DNAI4: variants seen among roughly 807,000 people sequenced by gnomAD.
DNAI4 encodes the protein WD repeat domain 78.
A neutral mutation model predicts 105.8 loss-of-function variants in DNAI4; 85 were observed. That is an observed-to-expected ratio of 0.80 (90% CI 0.67 to 0.96). The LOEUF (loss-of-function observed/expected upper bound fraction) is 0.96, where lower values mean the gene tolerates loss of function less well. Ranked by LOEUF, DNAI4 falls within the 40% of genes least tolerant of loss-of-function variation. DNAI4 has a pLI of 0.00. For missense variants in DNAI4, 1,014 were observed against 1,005.6 expected, an observed-to-expected ratio of 1.01 and a Z score of -0.11; for synonymous variants, 352 against 331.5, an observed-to-expected ratio of 1.06 and a Z score of -0.67.
intron 2 of DNAI4, among the ~76,000 whole-genome samples, chr1:66,904,708 TA>T (rs1396123763): frequency 4.6e-5 from 7 of 152,136 alleles, no homozygotes; most frequent in African/African-American, 1.7e-4. Context: ...TTTTATCTTT[TA>T]TGGACTCTGC....
rs1255221434 is a variant in DNAI4 at position 66,923,884 on chromosome 1, T to C, written c.170+778A>G. 8.5e-5 allele frequency among the ~76,000 whole-genome samples: 13 copies of C among 152,334 alleles called. No individual in the cohort carries two copies. The South Asian group carries it at 2.7e-3, about 32-fold the overall frequency. ...TTAAAGTAAGACAAGTCCACACAGCTGTGTGCTTTTCTACAGTCTTGTTCA... is the reference window on the plus strand; with the variant it reads ...TTAAAGTAAGACAAGTCCACACAGCCGTGTGCTTTTCTACAGTCTTGTTCA... On this transcript the variant is annotated intron_variant, in intron 1 of 16. Transcript: ENST00000371026.
intron 6 of DNAI4, among the ~76,000 whole-genome samples, chr1:66,862,953 T>C (rs1011322803): frequency 2.0e-5 from 3 of 152,238 alleles, no homozygotes; most frequent in Non-Finnish European, 4.4e-5. Context: ...ATTCCATTTT[T>C]ATCAAGTAAA....
At chr1:66,863,019 C>T (rs1359935900) in intron 6 of DNAI4, among the ~76,000 whole-genome samples, 1 of 152,156 alleles carries the variant, frequency 6.6e-6, no homozygotes, top group Non-Finnish European at 1.5e-5. Flanking sequence ...AATTGATAGA[C>T]TCTGATCTCA....
chr1:66,886,721 G>C (rs915233827), intron 4 of DNAI4, among the ~76,000 whole-genome samples: 1 of 152,094 alleles, frequency 6.6e-6, no homozygotes, highest in Non-Finnish European at 1.5e-5. Context: ...CCTGTGTCTT[G>C]GAGACATGGT....
At chr1:66,818,010 C>G (rs1308302941) in intron 16 of DNAI4, among the ~76,000 whole-genome samples, 1 of 151,986 alleles carries the variant, frequency 6.6e-6, no homozygotes, top group African/African-American at 2.4e-5. Context: ...CTTTTTTACC[C>G]TGAGAAGAAT....
chr1:66,815,312 C>A (rs1214678507), intron 16 of DNAI4, among the ~76,000 whole-genome samples: 2 of 152,090 alleles, frequency 1.3e-5, no homozygotes, highest in Non-Finnish European at 2.9e-5. Context: ...TCAGTAAATA[C>A]TAATACTTGT....
intron 2 of DNAI4, 54 bp from the exon 3 acceptor site, chr1:66,893,467 A>T: frequency 8.1e-7 from 1 of 1,240,834 alleles, no homozygotes; most frequent in Admixed American, 2.8e-5. Flanking sequence ...GGGCTTCTAA[A>T]TAACAGCTGC....
At chr1:66,922,919 C>T (rs958800926) in intron 1 of DNAI4, among the ~76,000 whole-genome samples, 3 of 152,104 alleles carry the variant, frequency 2.0e-5, no homozygotes, top group South Asian at 2.1e-4. Context: ...TGTGAATCAT[C>T]ATTATAGGTG....
At chr1:66,819,543 A>G (rs2100309923) in intron 16 of DNAI4, among the ~76,000 whole-genome samples, 1 of 152,212 alleles carries the variant, frequency 6.6e-6, no homozygotes, top group Middle Eastern at 3.4e-3. Flanking sequence ...CTGAATGCCC[A>G]TTATGTGCTA....
At chr1:66,908,938 A>T (rs1649454734) in intron 1 of DNAI4, among the ~76,000 whole-genome samples, 1 of 152,150 alleles carries the variant, frequency 6.6e-6, no homozygotes. Flanking sequence ...TGTCACATCT[A>T]TGCACTTGCC....
At chr1:66,897,708 A>G (rs907676325) in intron 2 of DNAI4, among the ~76,000 whole-genome samples, 4 of 152,168 alleles carry the variant, frequency 2.6e-5, no homozygotes, top group Non-Finnish European at 5.9e-5. Context: ...TGTGCCCACT[A>G]CTCCAGAAGA....
At chr1:66,838,833 G>A (rs1433327265) in intron 9 of DNAI4, among the ~76,000 whole-genome samples, 2 of 152,122 alleles carry the variant, frequency 1.3e-5, no homozygotes, top group Non-Finnish European at 2.9e-5. Context: ...TCTTGTATGT[G>A]TCCCCACAGC....
At chr1:66,889,913 T>C (rs1647451808) in intron 4 of DNAI4, among the ~76,000 whole-genome samples, 1 of 152,224 alleles carries the variant, frequency 6.6e-6, no homozygotes, top group Non-Finnish European at 1.5e-5. Flanking sequence ...AAACCTTTTT[T>C]ATTTTACCTC....
intron 4 of DNAI4, among the ~76,000 whole-genome samples, chr1:66,885,984 T>C (rs995646784): frequency 6.6e-6 from 1 of 152,216 alleles, no homozygotes; most frequent in African/African-American, 2.4e-5. Flanking sequence ...CAATTGTGCA[T>C]ATGTTACGCC....
rs1177863477 is a variant in DNAI4, at chr1:66,848,212, T to TG, written c.1097-535dup. 1.1e-4 allele frequency: 50 copies of TG among 456,120 alleles called. 1 individual carries two copies. Among genetic ancestry groups the TG allele is most frequent in the Admixed American group, 4.7e-5 (2 of 42,550 alleles). 28.3% of individuals were successfully genotyped at this position (456,120 alleles called of 1,614,324 possible). A position where few individuals can be genotyped will look rare whatever the true frequency, so the allele number is the denominator to read the frequency against. ...TTGTTTCCTTGATTTTTTCAGTTTC[T>TG]GGGGGCCACCACAACCTTTCCTTCA... On this transcript the variant is annotated intron_variant, in intron 7 of 16. Coordinates refer to ENST00000371026, the MANE Select transcript of DNAI4 (RefSeq NM_024763.5).
chr1:66,886,152 C>T (rs546880811), intron 4 of DNAI4, among the ~76,000 whole-genome samples: 1 of 152,094 alleles, frequency 6.6e-6, no homozygotes, highest in Non-Finnish European at 1.5e-5. Flanking sequence ...TCTTCATTCA[C>T]GTTGCTGTGT....
chr1:66,818,684 C>T (rs564300749), intron 16 of DNAI4, among the ~76,000 whole-genome samples: 6 of 152,090 alleles, frequency 3.9e-5, no homozygotes, highest in South Asian at 2.1e-4. Context: ...TTTGGGAGGC[C>T]GAGGTGGGCG....
At chr1:66,834,200 A>C (rs753170064) in intron 11 of DNAI4, 52 bp from the exon 12 acceptor site, 5 of 1,444,524 alleles carry the variant, frequency 3.5e-6, no homozygotes, top group South Asian at 1.4e-5. Flanking sequence ...TAATTTCTTA[A>C]AGGCCTTGGA....
intron 6 of DNAI4, 158 bp downstream of exon 6, chr1:66,871,212 T>C (rs577533959): frequency 1.2e-4 from 66 of 533,586 alleles, no homozygotes; most frequent in African/African-American, 1.0e-3. Flanking sequence ...CATGTCAAAT[T>C]CTGAAAGCTA....
Sources: allele counts gnomAD v4.1 joint callset (sites outside exome capture counted in the v4.1 genomes callset), GRCh38; gene constraint gnomAD v4.1.1; transcripts MANE v1.5; gene names NCBI Gene and HGNC (gene_info 2026-07-23, HGNC 2026-07-21).